The following SEC23IP variants were observed in gnomAD, a reference collection of about 807,000 sequenced individuals.
The protein encoded by SEC23IP is SEC23 interacting protein.
A neutral mutation model predicts 113.4 loss-of-function variants in SEC23IP; 70 were observed. The observed-to-expected ratio is 0.62, with a 90% confidence interval of 0.51 to 0.75. The LOEUF (loss-of-function observed/expected upper bound fraction) is 0.75. SEC23IP is among the 30% of genes least tolerant of loss of function. The pLI is 0.00. For synonymous variants in SEC23IP, 398 were observed against 421.0 expected, an observed-to-expected ratio of 0.95 and a Z score of 0.67; for missense variants, 1,160 against 1,204.9, an observed-to-expected ratio of 0.96 and a Z score of 0.55.
chr10:119,918,482 G>A lies in SEC23IP; in HGVS notation c.1843G>A (p.Val615Met), dbSNP rs1305304365. The A allele has an allele frequency of 6.2e-7, 1 of 1,612,812 alleles. No homozygotes were observed. The highest frequency in any genetic ancestry group is 8.5e-7 in the Non-Finnish European group (1 of 1,178,750). Residue 615 changes from valine to methionine, a missense_variant, in exon 10 of 19, where the codon GTG (valine) becomes ATG (methionine). Coordinates refer to ENST00000369075, the MANE Select transcript of SEC23IP (RefSeq NM_007190.4). ...ACCTCTTGCTGTTGCTAATGGAGTTGTGAAGCAGCTACATTTTCAGGAAAA... is the reference window on the plus strand; with the variant it reads ...ACCTCTTGCTGTTGCTAATGGAGTTATGAAGCAGCTACATTTTCAGGAAAA... Reference protein sequence around the residue: ...PGPLAVANGVVKQLHFQEKQM... With the variant: ...PGPLAVANGVMKQLHFQEKQM...
chr10:119,922,392 CAT>C (rs1339496097), intron 12 of SEC23IP, among the ~76,000 whole-genome samples: 2 of 152,168 alleles, frequency 1.3e-5, no homozygotes, highest in African/African-American at 4.8e-5. Flanking sequence ...GGTTTTCAAA[CAT>C]GTTCTTATGG....
At chr10:119,921,064 T>A in intron 12 of SEC23IP, 80 bp downstream of exon 12, 1 of 1,003,892 alleles carries the variant, frequency 1.0e-6, no homozygotes, top group Non-Finnish European at 1.5e-6. Context: ...ATTTTAATAC[T>A]ACTATGGTTA....
In SEC23IP at chr10:119,943,806, G is replaced by T. The variant is rs1198669420; in HGVS notation, c.*3241G>T. The T allele has an allele frequency of 5.3e-5, 8 of 152,134 alleles. No homozygotes were observed. The highest frequency in any genetic ancestry group is 1.2e-4 in the Non-Finnish European group (8 of 68,032). 9.4% of individuals were successfully genotyped at this position (152,134 alleles called of 1,614,324 possible). A position where few individuals can be genotyped will look rare whatever the true frequency, so the allele number is the denominator to read the frequency against. ...AATTTTATGATGACACATAAAACAG[G>T]CCAGGGGTTATTGAGGACACATCTG... On this transcript the variant is annotated 3_prime_UTR_variant, in exon 19 of 19. Coordinates refer to ENST00000369075, the MANE Select transcript of SEC23IP (RefSeq NM_007190.4).
chr10:119,892,755 G>A lies in SEC23IP; in HGVS notation c.-28G>A, dbSNP rs1204117449. 2 of 1,586,582 alleles carry A rather than the reference G, an allele frequency of 1.3e-6. No individual in the cohort carries two copies. The highest frequency in any genetic ancestry group is 1.1e-5 in the South Asian group (1 of 87,488). On this transcript the variant is annotated 5_prime_UTR_variant, in exon 1 of 19. Transcript: ENST00000369075. The stretch of plus-strand genomic sequence containing the variant: ...AGTGGTGTGGTACCGGGTACCCGGA[G>A]ACGTGTATCGGACGGTGGGCCGCAG...
At position 119,898,592 on chromosome 10, in the gene SEC23IP, A is replaced by G; in HGVS notation, c.329A>G (p.Gln110Arg). The G allele has an allele frequency of 1.2e-6, 2 of 1,614,226 alleles. No individual in the cohort carries two copies. Among genetic ancestry groups the G allele is most frequent in the Non-Finnish European group, 1.7e-6 (2 of 1,180,032 alleles). ...PLTTAATSVG[Q>R]SGFPKPLTAL... ...ACAACTGCAGCAACCTCAGTTGGAC[A>G]ATCAGGATTCCCCAAGCCCCTGACT... The change falls in exon 2 of 19, where the codon CAA becomes CGA. Residue 110 changes from glutamine (Q) to arginine (R), a missense_variant. Transcript: ENST00000369075.
rs34157476 is a variant in SEC23IP, at chr10:119,902,823, G to T, written c.721G>T (p.Ala241Ser). 0.018 allele frequency: 28,406 copies of T among 1,614,088 alleles called. 315 individuals carry two copies. The highest frequency in any genetic ancestry group is 0.045 in the Middle Eastern group (270 of 6,056). ...PPVPSSVQSP[A>S]QQQVPARPGA... is the part of the protein sequence containing the mutation. Reference sequence around the variant, plus strand: ...GGTTCCTTCTTCAGTGCAGTCACCGGCACAGCAGCAGGTACCTGCCAGACC... The same window carrying T: ...GGTTCCTTCTTCAGTGCAGTCACCGTCACAGCAGCAGGTACCTGCCAGACC... Residue 241 changes from alanine to serine, a missense_variant, in exon 3 of 19, where the codon GCA becomes TCA. By Grantham distance (99) the Ala-to-Ser change is moderately conservative. Coordinates refer to ENST00000369075, the MANE Select transcript of SEC23IP (RefSeq NM_007190.4).
rs939464631 is a variant in SEC23IP at position 119,913,075 on chromosome 10, C to T, written c.1312+911C>T. 2.0e-5 allele frequency among the ~76,000 whole-genome samples: 3 copies of T among 152,218 alleles called. No individual in the cohort carries two copies. The East Asian group carries it at 5.8e-4, about 29-fold the overall frequency. The stretch of plus-strand genomic sequence containing the variant: ...ATTAATTGACCCCTTTTTATCTTCA[C>T]TTCCCCCCGACCCTTCCCAGGCTCT... On this transcript the variant is annotated intron_variant, in intron 6 of 18. Transcript: ENST00000369075.
At position 119,929,761 on chromosome 10, in the gene SEC23IP, CG is replaced by C. The variant is rs1564923391; in HGVS notation, c.2469+1del. On this transcript the variant is annotated frameshift_variant and splice_region_variant, in exon 14 of 19. Coordinates refer to ENST00000369075, the MANE Select transcript of SEC23IP (RefSeq NM_007190.4). LOFTEE classifies it high-confidence loss of function. Reference protein sequence around the residue: ...TCKGFFNIYHPLDPVAYRLEP... With the variant: ...TCKGFFNIYHXLDPVAYRLEP... ...AAAGGGTTCTTCAATATTTATCATC[CG>C]GTGAGTAATTGAATTTACTTTGTTT... The C allele has an allele frequency of 1.9e-6, 3 of 1,566,422 alleles. 1 individual carries two copies. In the Admixed American group the frequency reaches 5.7e-5, roughly 30 times the overall value.
Position 119,932,189 on chromosome 10 carries a change from T to G in SEC23IP, c.2629T>G (p.Ser877Ala). ...TGATTTGAAGCAGGGTTTTATTAGC[T>G]CTCTCAAAAGTGCTTGGCAGACATT... ...GSDLKQGFIS[S>A]LKSAWQTLNE... Residue 877 changes from serine (S) to alanine (A), a missense_variant, in exon 16 of 19, where the codon TCT becomes GCT. Transcript: ENST00000369075. The G allele has an allele frequency of 1.2e-6, 2 of 1,612,918 alleles. No individual in the cohort carries two copies. Among genetic ancestry groups the G allele is most frequent in the South Asian group, 1.1e-5 (1 of 91,052 alleles).
At chr10:119,939,616 A>C (rs1855900472) in intron 18 of SEC23IP, among the ~76,000 whole-genome samples, 1 of 152,218 alleles carries the variant, frequency 6.6e-6, no homozygotes, top group Admixed American at 6.5e-5. Context: ...CTGAGGGTGC[A>C]GTGAGCTGAG....
intron 13 of SEC23IP, among the ~76,000 whole-genome samples, chr10:119,928,987 A>AT (rs1855504051): frequency 6.6e-6 from 1 of 152,224 alleles, no homozygotes; most frequent in Non-Finnish European, 1.5e-5. Flanking sequence ...TATAATCCCC[A>AT]TTTTATAAAT....
At chr10:119,916,031 C>T (rs988854405) in intron 8 of SEC23IP, 142 bp downstream of exon 8, 2 of 656,318 alleles carry the variant, frequency 3.0e-6, no homozygotes, top group Admixed American at 4.0e-5. Context: ...TAAATATTGG[C>T]TGTAAAGTTT....
chr10:119,893,870 C>T (rs192252895), intron 1 of SEC23IP, among the ~76,000 whole-genome samples: 1 of 152,302 alleles, frequency 6.6e-6, no homozygotes, highest in African/African-American at 2.4e-5. Context: ...TTCTTGTTCT[C>T]TTAGGCCCCC....
In SEC23IP at chr10:119,912,149, G is replaced by A; in HGVS notation, c.1297G>A (p.Asp433Asn). 6.2e-7 allele frequency: 1 copy of A among 1,614,076 alleles called. No individual in the cohort carries two copies. Among genetic ancestry groups the A allele is most frequent in the Non-Finnish European group, 8.5e-7 (1 of 1,179,964 alleles). The change falls in exon 6 of 19, where the codon GAT becomes AAT. Residue 433 changes from aspartate (D) to asparagine (N), a missense_variant. Coordinates refer to ENST00000369075, the MANE Select transcript of SEC23IP (RefSeq NM_007190.4). The stretch of plus-strand genomic sequence containing the variant: ...AAAGCGTGGAATTGATGATAACCTT[G>A]ATGAAATTCCCGACGGTGTGTATAG... ...VVKRGIDDNL[D>N]EIPDGEMPQV...
Position 119,929,408 on chromosome 10 carries a change from A to G in SEC23IP, c.2314-199A>G, listed in dbSNP as rs557252114. Among the ~76,000 whole-genome samples the G allele has an allele frequency of 5.5e-4, 84 of 152,032 alleles. 2 individuals carry two copies. The East Asian group carries it at 0.014, about 26-fold the overall frequency. On this transcript the variant is annotated intron_variant, in intron 13 of 18. Coordinates refer to ENST00000369075, the MANE Select transcript of SEC23IP (RefSeq NM_007190.4). The stretch of plus-strand genomic sequence containing the variant: ...GCCACCATGCCTGGCTAATTGTTTT[A>G]TATTTTTAGTAGAGACAGGGTTTCA...
At position 119,892,915 on chromosome 10, in the gene SEC23IP, G is replaced by C. The variant is rs73357833; in HGVS notation, c.133G>C (p.Ala45Pro). 189 of 1,612,962 alleles carry C rather than the reference G, an allele frequency of 1.2e-4. No homozygotes were observed. Among genetic ancestry groups the C allele is most frequent in the Non-Finnish European group, 1.5e-4 (177 of 1,179,534 alleles). ...CTTCATCCCAGTCACCCAGGCCTCC[G>C]CTTCTCCGGCCTCCCTGCTCTTACC... is the stretch of plus-strand genomic sequence containing the variant. ...VPFIPVTQAS[A>P]SPASLLLPGE... The change falls in exon 1 of 19, where the codon GCT (alanine) becomes CCT (proline). Residue 45 changes from alanine (A) to proline (P), a missense_variant. Physicochemically the swap from Ala to Pro is conservative, Grantham distance 27. Transcript: ENST00000369075.
chr10:119,895,504 A>C (rs1010955977), intron 1 of SEC23IP, among the ~76,000 whole-genome samples: 4 of 152,198 alleles, frequency 2.6e-5, no homozygotes, highest in Non-Finnish European at 5.9e-5. Context: ...ATACACACAC[A>C]CCCACCTGTG....
Position 119,933,298 on chromosome 10 carries a change from A to T in SEC23IP, c.2921+131A>T, listed in dbSNP as rs186686753. On this transcript the variant is annotated intron_variant, in intron 17 of 18. Coordinates refer to ENST00000369075, the MANE Select transcript of SEC23IP (RefSeq NM_007190.4). ...TATTCATTTGAATTACTATATGTTCAGAATCGTTATTTTTCCCCCTTAGTT... is the reference window on the plus strand; with the variant it reads ...TATTCATTTGAATTACTATATGTTCTGAATCGTTATTTTTCCCCCTTAGTT... 4.0e-3 allele frequency: 3,294 copies of T among 815,598 alleles called. 49 individuals carry two copies. The highest frequency in any genetic ancestry group is 2.4e-3 in the Non-Finnish European group (1,250 of 513,976). 50.5% of individuals were successfully genotyped at this position (815,598 alleles called of 1,614,324 possible). A position where few individuals can be genotyped will look rare whatever the true frequency, so the allele number is the denominator to read the frequency against.
rs899367193 is a variant in SEC23IP at position 119,940,742 on chromosome 10, A to G, written c.*177A>G. On this transcript the variant is annotated 3_prime_UTR_variant, in exon 19 of 19. Transcript: ENST00000369075. ...CGGATATAGGGATTCAAAAGACAGG[A>G]CACAGAACTAACACAGTGAAAAAAA... is the stretch of plus-strand genomic sequence containing the variant. The G allele has an allele frequency of 6.6e-6, 1 of 152,140 alleles. No homozygotes were observed. Among genetic ancestry groups the G allele is most frequent in the African/African-American group, 2.4e-5 (1 of 41,422 alleles). 9.4% of individuals were successfully genotyped at this position (152,140 alleles called of 1,614,324 possible).
Sources: gnomAD v4.1 joint callset for allele counts (sites outside exome capture counted in the v4.1 genomes callset) on GRCh38, gnomAD v4.1.1 for gene constraint, MANE v1.5 for transcripts, NCBI Gene and HGNC (gene_info 2026-07-23, HGNC 2026-07-21) for gene names.